Variants in IPO9 observed in about 807,000 individuals in gnomAD.
IPO9 encodes importin-9.
IPO9 carries 28 observed loss-of-function variants against 128.6 expected under a neutral mutation model. The ratio of observed to expected loss-of-function variants is 0.22; its 90% confidence interval spans 0.16 to 0.30. The LOEUF is 0.30. IPO9 is among the 10% of genes least tolerant of loss of function. The probability of loss-of-function intolerance (pLI) is 1.00; values close to 1 mark genes in which losing one functional copy is unlikely to be tolerated. For synonymous variants in IPO9, 455 were observed against 475.8 expected, an observed-to-expected ratio of 0.96 and a Z score of 0.57; for missense variants, 935 against 1,293.9, an observed-to-expected ratio of 0.72 and a Z score of 4.26.
intron 18 of IPO9, 143 bp downstream of exon 18, chr1:201,871,001 G>T: frequency 7.7e-7 from 1 of 1,296,224 alleles, no homozygotes; most frequent in Non-Finnish European, 1.1e-6. Flanking sequence ...TGATCTGTTT[G>T]GCCTAAGAAA....
At chr1:201,852,915 T>C (rs1168802043) in intron 5 of IPO9, 96 bp from the exon 6 acceptor site, 1 of 929,626 alleles carries the variant, frequency 1.1e-6, no homozygotes, top group African/African-American at 1.6e-5. Context: ...CATGTGAGGA[T>C]TCATTAGTCA....
Position 201,841,452 on chromosome 1 carries a change from G to T in IPO9, c.164-5827G>T, listed in dbSNP as rs59723390. 9.2e-3 allele frequency among the ~76,000 whole-genome samples: 1,396 copies of T among 152,278 alleles called. 21 individuals carry two copies. Among genetic ancestry groups the T allele is most frequent in the African/African-American group, 0.031 (1,308 of 41,538 alleles). ...CCTCGAGGTTTGGATTGGCATCTGG[G>T]CTATCAGTCAGTATGATAAATGGAT... On this transcript the variant is annotated intron_variant, in intron 1 of 23. Transcript: ENST00000361565.
chr1:201,848,292 C>G (rs1680155784), intron 3 of IPO9, 101 bp from the exon 4 acceptor site: 1 of 965,096 alleles, frequency 1.0e-6, no homozygotes, highest in Non-Finnish European at 1.7e-6. Context: ...ACATGCAGTA[C>G]CTTGTACTCA....
chr1:201,868,648 A>G lies in IPO9; in HGVS notation c.1856A>G (p.Asp619Gly). The G allele has an allele frequency of 1.2e-6, 2 of 1,613,118 alleles. No individual in the cohort carries two copies. Among genetic ancestry groups the G allele is most frequent in the Non-Finnish European group, 1.7e-6 (2 of 1,179,514 alleles). Reference sequence around the variant, plus strand: ...TTCCGTGTTGCCTTATCCACTTCAGATCCCGTCGTCGCCTCACTGGCTCAG... The same window carrying G: ...TTCCGTGTTGCCTTATCCACTTCAGGTCCCGTCGTCGCCTCACTGGCTCAG... Reference protein sequence around the residue: ...TIAIFLKYSNDPVVASLAQDI... With the variant: ...TIAIFLKYSNGPVVASLAQDI... The change falls in exon 16 of 24, where the codon GAT becomes GGT. Residue 619 changes from aspartate (D) to glycine (G), a missense_variant and splice_region_variant. Physicochemically the swap from Asp to Gly is moderately conservative, Grantham distance 94 (BLOSUM62 -1). Around this residue, in one of 3 missense-constraint regions of IPO9, gnomAD observed 741 missense variants for 1,019.1 expected, o/e 0.73. Coordinates refer to ENST00000361565, the MANE Select transcript of IPO9 (RefSeq NM_018085.5).
intron 8 of IPO9, 84 bp downstream of exon 8, chr1:201,855,007 C>G (rs1680302741): frequency 7.4e-7 from 1 of 1,348,152 alleles, no homozygotes; most frequent in South Asian, 1.3e-5. Context: ...TATGGTTCCA[C>G]TCTTCTTACA....
Position 201,870,843 on chromosome 1 carries a change from G to A in IPO9, c.2394G>A (p.Thr798=), listed in dbSNP as rs1172700047. The A allele has an allele frequency of 1.2e-6, 2 of 1,612,372 alleles. No individual in the cohort carries two copies. Among genetic ancestry groups the A allele is most frequent in the South Asian group, 1.1e-5 (1 of 91,046 alleles). ...TCAGTAAGATGCAGCAGGCAGAGAC[G>A]CTCAGTGTCATGCAGGTAAGAGAGC... ...AILSKMQQAE[T]LSVMQSLIMV... Residue 798 remains threonine (T), a synonymous_variant, in exon 18 of 24, where the codon ACG becomes ACA. Coordinates refer to ENST00000361565, the MANE Select transcript of IPO9 (RefSeq NM_018085.5). This position sits in a 1 kb window ranked among gnomAD's most constrained non-coding sequence, Gnocchi z 4.9.
At chr1:201,841,501 C>G (rs1680035696) in intron 1 of IPO9, among the ~76,000 whole-genome samples, 1 of 152,142 alleles carries the variant, frequency 6.6e-6, no homozygotes, top group South Asian at 2.1e-4. Context: ...GTTAGGTATA[C>G]TGTACTTCCT....
rs1334817681 is a variant in IPO9, at chr1:201,876,458, T to TC, written c.*405dup. On this transcript the variant is annotated 3_prime_UTR_variant, in exon 24 of 24. Coordinates refer to ENST00000361565, the MANE Select transcript of IPO9 (RefSeq NM_018085.5). ...TATTCTAAAACAGACCTATCTATGT[T>TC]CATAGGACTTCTGATGTGTTCAGAT... 1.7e-5 allele frequency: 6 copies of TC among 347,362 alleles called. No homozygotes were observed. The highest frequency in any genetic ancestry group is 1.1e-4 in the African/African-American group (5 of 46,784). The allele number at this position is 347,362 out of a possible 1,614,324, so 21.5% of individuals were successfully genotyped here.
chr1:201,830,886 C>G (rs1258032575), intron 1 of IPO9, among the ~76,000 whole-genome samples: 4 of 152,218 alleles, frequency 2.6e-5, no homozygotes, highest in African/African-American at 9.7e-5. Context: ...AACTGTCTTA[C>G]AACAACTCCA....
At position 201,882,971 on chromosome 1, in the gene IPO9, CAT is replaced by C. The variant is rs1680917463; in HGVS notation, c.*6918_*6919del. 6.6e-6 allele frequency: 1 copy of C among 152,642 alleles called. No homozygotes were observed. The highest frequency in any genetic ancestry group is 6.5e-5 in the Admixed American group (1 of 15,276). 9.5% of individuals were successfully genotyped at this position (152,642 alleles called of 1,614,324 possible). On this transcript the variant is annotated 3_prime_UTR_variant, in exon 24 of 24. Transcript: ENST00000361565. ...CACTGTGACTCAGTTCAATTTCACACATGCTGCTGCTAAATTAGGGTCTTGGT... is the reference window on the plus strand; with the variant it reads ...CACTGTGACTCAGTTCAATTTCACACGCTGCTGCTAAATTAGGGTCTTGGT...
rs115294026 is a variant in IPO9 at position 201,883,213 on chromosome 1, C to A, written c.*7159C>A. The stretch of plus-strand genomic sequence containing the variant: ...CTTAGTCCAAGAACATACCTGAATT[C>A]TTTGCATTTCCTTGCCTTAGTTGCT... On this transcript the variant is annotated 3_prime_UTR_variant, in exon 24 of 24. Transcript: ENST00000361565. 0.012 allele frequency: 1,747 copies of A among 141,084 alleles called. 24 individuals are homozygous for A. The highest frequency in any genetic ancestry group is 0.02 in the Non-Finnish European group (1,283 of 64,874). 8.7% of individuals were successfully genotyped at this position (141,084 alleles called of 1,614,324 possible). A position where few individuals can be genotyped will look rare whatever the true frequency, so the allele number is the denominator to read the frequency against.
At chr1:201,853,196 T>C in intron 6 of IPO9, 99 bp downstream of exon 6, 2 of 872,282 alleles carry the variant, frequency 2.3e-6, no homozygotes, top group Non-Finnish European at 3.9e-6. Flanking sequence ...AAAAGCACAC[T>C]AACCAGTATT....
rs1680755298 is a variant in IPO9 at position 201,875,990 on chromosome 1, A to G, written c.3062A>G (p.Tyr1021Cys). 2 of 1,613,980 alleles carry G rather than the reference A, an allele frequency of 1.2e-6. No homozygotes were observed. Among genetic ancestry groups the G allele is most frequent in the Admixed American group, 3.3e-5 (2 of 60,012 alleles). The stretch of plus-strand genomic sequence containing the variant: ...TGCCAGTTTGCTCAGCAGCCCTGCT[A>G]CATAATGTTTTCAGGCCACCTTAAT... ...FLCQFAQQPC[Y>C]IMFSGHLNDN... The change falls in exon 24 of 24, where the codon TAC (tyrosine) becomes TGC (cysteine). Residue 1021 changes from tyrosine to cysteine, a missense_variant. Physicochemically the swap from Tyr to Cys is radical, Grantham distance 194. Transcript: ENST00000361565.
intron 13 of IPO9, among the ~76,000 whole-genome samples, chr1:201,859,350 C>G (rs575915424): frequency 4.5e-4 from 68 of 151,780 alleles, no homozygotes; most frequent in South Asian, 1.0e-3. Context: ...GCCCAGAGGC[C>G]GATTCAAGCT....
intron 1 of IPO9, among the ~76,000 whole-genome samples, chr1:201,842,978 C>T (rs1680062538): frequency 6.6e-6 from 1 of 152,214 alleles, no homozygotes; most frequent in South Asian, 2.1e-4. Context: ...TCATAATCCA[C>T]TTATTCATTT....
At chr1:201,853,713 G>A (rs1253098470) in intron 6 of IPO9, among the ~76,000 whole-genome samples, 5 of 151,916 alleles carry the variant, frequency 3.3e-5, no homozygotes, top group African/African-American at 1.2e-4. Flanking sequence ...ACCACTCCTG[G>A]CTAATGAATG....
chr1:201,870,901 T>C lies in IPO9; in HGVS notation c.2409+43T>C. The C allele has an allele frequency of 6.4e-7, 1 of 1,554,116 alleles. No homozygotes were observed. The highest frequency in any genetic ancestry group is 1.2e-5 in the South Asian group (1 of 83,890). ...AGTGGGCTTCCTACTCCCTGGCTGA[T>C]AGAAATGAAAATTCGTATTTTGGTC... On this transcript the variant is annotated intron_variant, in intron 18 of 23. Coordinates refer to ENST00000361565, the MANE Select transcript of IPO9 (RefSeq NM_018085.5). This position sits in a 1 kb window ranked among gnomAD's most constrained non-coding sequence, Gnocchi z 4.9.
In IPO9 at chr1:201,855,866, A is replaced by G. The variant is rs753454815; in HGVS notation, c.1054A>G (p.Thr352Ala). 13 of 1,612,202 alleles carry G rather than the reference A, an allele frequency of 8.1e-6. No homozygotes were observed. The highest frequency in any genetic ancestry group is 1.0e-5 in the Non-Finnish European group (12 of 1,179,492). The change falls in exon 10 of 24, where the codon ACT (threonine) becomes GCT (alanine). Residue 352 changes from threonine (T) to alanine (A), a missense_variant. Coordinates refer to ENST00000361565, the MANE Select transcript of IPO9 (RefSeq NM_018085.5). The stretch of plus-strand genomic sequence containing the variant: ...ACTAGAAAATAGCAAATTCAAAAGC[A>G]CTGTTAAGAAAGCCTTGCCTGAATT... ...ALLENSKFKS[T>A]VKKALPELIY...
At chr1:201,873,231 AGTCAG>A (rs1680693988) in intron 20 of IPO9, among the ~76,000 whole-genome samples, 1 of 151,694 alleles carries the variant, frequency 6.6e-6, no homozygotes, top group South Asian at 2.1e-4. Context: ...GATCACTTGA[AGTCAG>A]GAGTTTGAGA....
Sources: gnomAD v4.1 joint callset for allele counts (sites outside exome capture counted in the v4.1 genomes callset) on GRCh38, gnomAD v4.1.1 for gene constraint, gnomAD v4.1.1 regional missense constraint, Gnocchi (gnomAD v3.1) non-coding constraint, MANE v1.5 for transcripts, NCBI Gene and HGNC (gene_info 2026-07-23, HGNC 2026-07-21) for gene names.